OLIG1: variants seen among roughly 807,000 people sequenced by gnomAD.
OLIG1 encodes the protein basic domain, helix-loop-helix protein, class B, 6.
Under a neutral mutation model 13.5 loss-of-function variants are expected in OLIG1, and 9 were observed. That is an observed-to-expected ratio of 0.67 (90% CI 0.40 to 1.17). The LOEUF (loss-of-function observed/expected upper bound fraction) is 1.17. Ranked by LOEUF, OLIG1 falls within the 50% of genes most tolerant of loss-of-function variation. The pLI is 0.01. For synonymous variants in OLIG1, 215 were observed against 208.3 expected (o/e 1.03, Z -0.28); for missense variants, 362 against 392.2 (o/e 0.92, Z 0.65).
rs1488311543 is a variant in OLIG1, at chr21:33,071,339, A to C, written c.*277A>C. 3.3e-6 allele frequency: 1 copy of C among 306,410 alleles called. No individual in the cohort carries two copies. The highest frequency in any genetic ancestry group is 6.4e-6 in the Non-Finnish European group (1 of 156,126). The allele number at this position is 306,410 out of a possible 1,614,324, so 19.0% of individuals were successfully genotyped here. A position where few individuals can be genotyped will look rare whatever the true frequency, so the allele number is the denominator to read the frequency against. On this transcript the variant is annotated 3_prime_UTR_variant, in exon 1 of 1. Coordinates refer to ENST00000382348, the MANE Select transcript of OLIG1 (RefSeq NM_138983.3). This position sits in a 1 kb window ranked among gnomAD's most constrained non-coding sequence, Gnocchi z 6.0. The stretch of plus-strand genomic sequence containing the variant: ...CAGAAAGTGCTCGCTCTCACCCAGC[A>C]CATCTCTCTCCTTGTCCCTGGAGTT...
chr21:33,070,340 C>G lies in OLIG1; in HGVS notation c.94C>G (p.Leu32Val), dbSNP rs577420887. The G allele has an allele frequency of 1.3e-6, 2 of 1,546,894 alleles. No homozygotes were observed. Among genetic ancestry groups the G allele is most frequent in the East Asian group, 4.9e-5 (2 of 40,596 alleles). ...RPGDLQLGAS[L>V]YELVGYRQPP... Reference sequence around the variant, plus strand: ...CGGAGACTTGCAGCTCGGGGCCTCCCTCTACGAGCTGGTGGGCTACAGGCA... The same window carrying G: ...CGGAGACTTGCAGCTCGGGGCCTCCGTCTACGAGCTGGTGGGCTACAGGCA... Residue 32 changes from leucine (L) to valine (V), a missense_variant, in exon 1 of 1, where the codon CTC becomes GTC. Around this residue, in one of 3 missense-constraint regions of OLIG1, gnomAD observed 206 missense variants for 197.2 expected, o/e 1.04. Transcript: ENST00000382348. The surrounding 1 kb of genome is among the most constrained non-coding windows in gnomAD (Gnocchi z 5.9).
rs1982215519 is a variant in OLIG1 at position 33,071,074 on chromosome 21, G to T, written c.*12G>T. On this transcript the variant is annotated 3_prime_UTR_variant, in exon 1 of 1. Coordinates refer to ENST00000382348, the MANE Select transcript of OLIG1 (RefSeq NM_138983.3). This position sits in a 1 kb window ranked among gnomAD's most constrained non-coding sequence, Gnocchi z 6.0. ...AATTCTCCAAGTGAGGGCGGGCCTG[G>T]GCCTGGGGCGCGACCTCGGCCCGGC... The T allele has an allele frequency of 6.8e-7, 1 of 1,467,516 alleles. No homozygotes were observed. The highest frequency in any genetic ancestry group is 1.5e-5 in the African/African-American group (1 of 67,400). The allele number at this position is 1,467,516 out of a possible 1,614,324, so 90.9% of individuals were successfully genotyped here.
chr21:33,070,256 G>C lies in OLIG1; in HGVS notation c.10G>C (p.Ala4Pro), dbSNP rs998165497. ...CCCCACCGCCTCCCAGATGTACTAT[G>C]CGGTTTCCCAGGCGCGCGTGAACGC... The part of the protein sequence containing the change: MYY[A>P]VSQARVNAVP... The change falls in exon 1 of 1, where the codon GCG (alanine) becomes CCG (proline). Residue 4 changes from alanine to proline, a missense_variant. Ala to Pro is a conservative substitution (Grantham distance 27). Transcript: ENST00000382348. The surrounding 1 kb of genome is among the most constrained non-coding windows in gnomAD (Gnocchi z 5.9). 7 of 1,541,088 alleles carry C rather than the reference G, an allele frequency of 4.5e-6. No individual in the cohort carries two copies. In the African/African-American group the frequency reaches 5.6e-5, roughly 12 times the overall value.
Position 33,070,422 on chromosome 21 carries a change from C to A in OLIG1, c.176C>A (p.Ser59Tyr). ...TCCACCTCCTCCACTTCCTCCTCCT[C>A]CACGACGGCCCCCCTCCTCCCCAAG... ...TSSTSSTSSS[S>Y]TTAPLLPKAA... Residue 59 changes from serine to tyrosine, a missense_variant, in exon 1 of 1, where the codon TCC (serine) becomes TAC (tyrosine). By Grantham distance (144) the Ser-to-Tyr change is moderately radical (BLOSUM62 -2). Coordinates refer to ENST00000382348, the MANE Select transcript of OLIG1 (RefSeq NM_138983.3). The surrounding 1 kb of genome is among the most constrained non-coding windows in gnomAD (Gnocchi z 5.9). 3 of 1,538,720 alleles carry A rather than the reference C, an allele frequency of 1.9e-6. No individual in the cohort carries two copies. Among genetic ancestry groups the A allele is most frequent in the Non-Finnish European group, 2.6e-6 (3 of 1,145,210 alleles).
rs367752518 is a variant in OLIG1, at chr21:33,070,411, T to A, written c.165T>A (p.Thr55=). ...CCTCCACCTCCTCCACCTCCTCCACTTCCTCCTCCTCCACGACGGCCCCCC... is the reference window on the plus strand; with the variant it reads ...CCTCCACCTCCTCCACCTCCTCCACATCCTCCTCCTCCACGACGGCCCCCC... ...SSSSTSSTSS[T]SSSSTTAPLL... Residue 55 remains threonine (T), a synonymous_variant, in exon 1 of 1, where the codon ACT becomes ACA. Transcript: ENST00000382348. This position sits in a 1 kb window ranked among gnomAD's most constrained non-coding sequence, Gnocchi z 5.9. The A allele has an allele frequency of 1.3e-6, 2 of 1,503,552 alleles. No individual in the cohort carries two copies. The highest frequency in any genetic ancestry group is 1.8e-6 in the Non-Finnish European group (2 of 1,130,072). 93.1% of individuals were successfully genotyped at this position (1,503,552 alleles called of 1,614,324 possible). A position where few individuals can be genotyped will look rare whatever the true frequency, so the allele number is the denominator to read the frequency against.
chr21:33,070,550 C>G lies in OLIG1; in HGVS notation c.304C>G (p.Gln102Glu). 1 of 1,510,372 alleles carries G rather than the reference C, an allele frequency of 6.6e-7. No individual in the cohort carries two copies. Among genetic ancestry groups the G allele is most frequent in the Non-Finnish European group, 8.8e-7 (1 of 1,134,952 alleles). The allele number at this position is 1,510,372 out of a possible 1,614,324, so 93.6% of individuals were successfully genotyped here. ...CGCCCGGCCGGACGCCAAGGAGGAG[C>G]AGCAGCAGCAGCTGCGGCGCAAGAT... ...GSARPDAKEE[Q>E]QQQLRRKINS... The change falls in exon 1 of 1, where the codon CAG (glutamine) becomes GAG (glutamate). Residue 102 changes from glutamine to glutamate, a missense_variant. By Grantham distance (29) the Gln-to-Glu change is conservative. Around this residue, in one of 3 missense-constraint regions of OLIG1, gnomAD observed 206 missense variants for 197.2 expected, o/e 1.04. Transcript: ENST00000382348. This position sits in a 1 kb window ranked among gnomAD's most constrained non-coding sequence, Gnocchi z 5.9.
At position 33,070,504 on chromosome 21, in the gene OLIG1, A is replaced by C; in HGVS notation, c.258A>C (p.Ser86=). The change falls in exon 1 of 1, where the codon TCA becomes TCC. Residue 86 remains serine, a synonymous_variant. Transcript: ENST00000382348. The surrounding 1 kb of genome is among the most constrained non-coding windows in gnomAD (Gnocchi z 5.9). ...PAEPPGPGPG[S]GAHPGGSARP... is the part of the protein sequence containing the mutation. ...AGCCTCCAGGCCCCGGGCCCGGGTC[A>C]GGCGCGCACCCGGGCGGCAGCGCCC... is the stretch of plus-strand genomic sequence containing the variant. The C allele has an allele frequency of 1.3e-6, 2 of 1,501,360 alleles. No homozygotes were observed. Among genetic ancestry groups the C allele is most frequent in the Non-Finnish European group, 1.8e-6 (2 of 1,131,308 alleles). 93.0% of individuals were successfully genotyped at this position (1,501,360 alleles called of 1,614,324 possible).
At position 33,071,669 on chromosome 21, in the gene OLIG1, G is replaced by C. The variant is rs1391703553; in HGVS notation, c.*607G>C. On this transcript the variant is annotated 3_prime_UTR_variant, in exon 1 of 1. Coordinates refer to ENST00000382348, the MANE Select transcript of OLIG1 (RefSeq NM_138983.3). This position sits in a 1 kb window ranked among gnomAD's most constrained non-coding sequence, Gnocchi z 6.0. ...ACGGTCTGGGACGTGGCAGACGGAC[G>C]GACCCTCGGCGGACAGGTGGTCGGC... 6.0e-6 allele frequency: 1 copy of C among 167,232 alleles called. No homozygotes were observed. The highest frequency in any genetic ancestry group is 1.5e-5 in the Non-Finnish European group (1 of 68,226). 10.4% of individuals were successfully genotyped at this position (167,232 alleles called of 1,614,324 possible).
Position 33,070,474 on chromosome 21 carries a change from G to A in OLIG1, c.228G>A (p.Pro76=). The change falls in exon 1 of 1, where the codon CCG becomes CCA. Residue 76 remains proline, a synonymous_variant. Transcript: ENST00000382348. This position sits in a 1 kb window ranked among gnomAD's most constrained non-coding sequence, Gnocchi z 5.9. ...CTGCGCGCGAGAAGCCGGAGGCGCC[G>A]GCCGAGCCTCCAGGCCCCGGGCCCG... is the stretch of plus-strand genomic sequence containing the variant. The part of the protein sequence containing the change: ...PKAAREKPEA[P]AEPPGPGPGS... The A allele has an allele frequency of 3.3e-6, 5 of 1,523,834 alleles. No individual in the cohort carries two copies. The highest frequency in any genetic ancestry group is 4.4e-6 in the Non-Finnish European group (5 of 1,140,436). The allele number at this position is 1,523,834 out of a possible 1,614,324, so 94.4% of individuals were successfully genotyped here. A position where few individuals can be genotyped will look rare whatever the true frequency, so the allele number is the denominator to read the frequency against.
chr21:33,070,260 T>C lies in OLIG1; in HGVS notation c.14T>C (p.Val5Ala). ...ACCGCCTCCCAGATGTACTATGCGG[T>C]TTCCCAGGCGCGCGTGAACGCGGTC... The part of the protein sequence containing the change: MYYA[V>A]SQARVNAVPG... The change falls in exon 1 of 1, where the codon GTT (valine) becomes GCT (alanine). Residue 5 changes from valine to alanine, a missense_variant. Coordinates refer to ENST00000382348, the MANE Select transcript of OLIG1 (RefSeq NM_138983.3). This position sits in a 1 kb window ranked among gnomAD's most constrained non-coding sequence, Gnocchi z 5.9. 6.5e-7 allele frequency: 1 copy of C among 1,540,822 alleles called. No homozygotes were observed. Among genetic ancestry groups the C allele is most frequent in the East Asian group, 2.5e-5 (1 of 39,610 alleles).
Sources: gnomAD v4.1 joint callset for allele counts on GRCh38, gnomAD v4.1.1 for gene constraint, gnomAD v4.1.1 regional missense constraint, Gnocchi (gnomAD v3.1) non-coding constraint, MANE v1.5 for transcripts, NCBI Gene and HGNC (gene_info 2026-07-23, HGNC 2026-07-21) for gene names.